Variants in RBM39 observed in about 807,000 individuals in gnomAD.
RBM39 encodes RNA-binding protein 39.
Under a neutral mutation model 79.6 loss-of-function variants are expected in RBM39, and 12 were observed. The ratio of observed to expected loss-of-function variants is 0.15; its 90% confidence interval spans 0.10 to 0.24. The LOEUF is 0.24. Ranked by LOEUF, RBM39 falls within the 10% of genes least tolerant of loss-of-function variation. RBM39 has a pLI of 1.00. For synonymous variants in RBM39, 185 were observed against 208.4 expected (o/e 0.89, Z 0.97); for missense variants, 243 against 653.4 (o/e 0.37, Z 6.85).
intron 4 of RBM39, among the ~76,000 whole-genome samples, chr20:35,731,071 TTAGCTTAGGGGATTA>T (rs1434352630): frequency 1.3e-5 from 2 of 152,178 alleles, no homozygotes; most frequent in African/African-American, 4.8e-5. Flanking sequence ...AAACAAATGC[TTAGCTTAGGGGATTA>T]AGTATCTTGC....
At chr20:35,741,218 G>A (rs1225678696) in intron 1 of RBM39, among the ~76,000 whole-genome samples, 1 of 151,096 alleles carries the variant, frequency 6.6e-6, no homozygotes, top group African/African-American at 2.4e-5. Flanking sequence ...ATTTTTGGTA[G>A]AGACGGGGTT....
intron 2 of RBM39, chr20:35,740,344 ATAAGACTG>A (rs2040389720): frequency 3.1e-6 from 1 of 326,654 alleles, no homozygotes; most frequent in African/African-American, 2.2e-5. Flanking sequence ...ATTTCTTCTT[ATAAGACTG>A]TTAGAAGATT....
chr20:35,712,035 CCA>C (rs1568997903), intron 12 of RBM39, among the ~76,000 whole-genome samples: 1 of 151,658 alleles, frequency 6.6e-6, no homozygotes, highest in East Asian at 1.9e-4. Flanking sequence ...AGAGGTTGAG[CCA>C]CAGAGTGAGA....
chr20:35,741,066 CTCTAGT>C (rs933573192), intron 1 of RBM39, among the ~76,000 whole-genome samples, 179 bp from the exon 2 acceptor site: 3 of 60,652 alleles, frequency 4.9e-5, no homozygotes, highest in Middle Eastern at 0.017. Flanking sequence ...CGGAGTTTCG[CTCTAGT>C]TGCCCAGGCT....
At chr20:35,725,657 C>CCT (rs2038564427) in intron 6 of RBM39, among the ~76,000 whole-genome samples, 1 of 122,216 alleles carries the variant, frequency 8.2e-6, no homozygotes. Context: ...AACCCATTTT[C>CCT]TTTTTTTTTT....
In RBM39 at chr20:35,738,955, T is replaced by C. The variant is rs1490755486; in HGVS notation, c.101+13A>G. On this transcript the variant is annotated intron_variant, in intron 3 of 16. Coordinates refer to ENST00000253363, the MANE Select transcript of RBM39 (RefSeq NM_184234.3). Reference sequence around the variant, plus strand: ...GCTCACCACCCTCCCCCAAGCCCCTTCTTAAAACTCACTTTTTGCTACGTT... The same window carrying C: ...GCTCACCACCCTCCCCCAAGCCCCTCCTTAAAACTCACTTTTTGCTACGTT... 3 of 1,607,778 alleles carry C rather than the reference T, an allele frequency of 1.9e-6. No individual in the cohort carries two copies. The highest frequency in any genetic ancestry group is 3.3e-5 in the Admixed American group (2 of 59,998).
intron 11 of RBM39, 62 bp downstream of exon 11, chr20:35,714,123 C>T: frequency 6.6e-7 from 1 of 1,516,290 alleles, no homozygotes. Flanking sequence ...GTTTACATGG[C>T]TACCTTTCTT....
chr20:35,734,986 T>G, intron 3 of RBM39: 1 of 1,610,898 alleles, frequency 6.2e-7, no homozygotes, highest in Non-Finnish European at 8.5e-7. Context: ...GCCTTTGGAC[T>G]TTTTGGTTAT....
chr20:35,718,142 A>G (rs1290412944), intron 9 of RBM39, among the ~76,000 whole-genome samples: 1 of 151,630 alleles, frequency 6.6e-6, no homozygotes, highest in Admixed American at 6.6e-5. Flanking sequence ...TACAGGCATG[A>G]GCCACTGCGC....
At chr20:35,722,938 G>GA (rs11479374) in intron 8 of RBM39, among the ~76,000 whole-genome samples, 5,580 of 97,548 alleles carry the variant, frequency 0.057, 172 homozygotes, top group South Asian at 0.21. Flanking sequence ...CGTCTCAAGA[G>GA]AAAAAAAAAA....
intron 3 of RBM39, chr20:35,734,888 T>C: frequency 1.9e-6 from 3 of 1,542,846 alleles, no homozygotes; most frequent in Non-Finnish European, 2.6e-6. Context: ...TCAAATCCTG[T>C]TACAACTTAA....
intron 1 of RBM39, chr20:35,741,706 G>A (rs1271284763): frequency 1.3e-5 from 2 of 152,256 alleles, no homozygotes; most frequent in Non-Finnish European, 2.9e-5. Flanking sequence ...GCCGGCCCAG[G>A]CCTCGAAGGA....
At position 35,724,702 on chromosome 20, in the gene RBM39, A is replaced by G. The variant is rs1447793293; in HGVS notation, c.555T>C (p.Ile185=). The G allele has an allele frequency of 6.2e-7, 1 of 1,614,126 alleles. No individual in the cohort carries two copies. Among genetic ancestry groups the G allele is most frequent in the African/African-American group, 1.3e-5 (1 of 75,056 alleles). ...TVGKVRDVRM[I]SDRNSRRSKG... is the part of the protein sequence containing the mutation. ...TGGAACGTCTTGAATTTCTGTCAGA[A>G]ATCATCCTCACATCTCGAACCTAGA... Residue 185 remains isoleucine (I), a synonymous_variant, in exon 8 of 17, where the codon ATT becomes ATC. Coordinates refer to ENST00000253363, the MANE Select transcript of RBM39 (RefSeq NM_184234.3).
rs770978577 is a variant in RBM39, at chr20:35,705,207, A to T, written c.1413+18T>A. The T allele has an allele frequency of 1.1e-5, 15 of 1,406,380 alleles. No homozygotes were observed. The South Asian group carries it at 1.5e-4, about 14-fold the overall frequency. The allele number at this position is 1,406,380 out of a possible 1,614,324, so 87.1% of individuals were successfully genotyped here. On this transcript the variant is annotated intron_variant, in intron 15 of 16. Coordinates refer to ENST00000253363, the MANE Select transcript of RBM39 (RefSeq NM_184234.3). ...AGACGAACAACCTAACATCATTTAT[A>T]AAAAAAGATGAAAATACCTGAGCTG... is the stretch of plus-strand genomic sequence containing the variant.
chr20:35,731,631 G>T lies in RBM39; in HGVS notation c.296+310C>A, dbSNP rs76605241. On this transcript the variant is annotated intron_variant, in intron 4 of 16. Transcript: ENST00000253363. The stretch of plus-strand genomic sequence containing the variant: ...TTGTTAAGCTTTCTTAGGTATTTGG[G>T]CACTACAATGTCATCTTTTTCAAGC... 1.7e-4 allele frequency: 54 copies of T among 320,736 alleles called. 1 individual carries two copies. In the East Asian group the frequency reaches 3.1e-3, roughly 18 times the overall value. 19.9% of individuals were successfully genotyped at this position (320,736 alleles called of 1,614,324 possible). A position where few individuals can be genotyped will look rare whatever the true frequency, so the allele number is the denominator to read the frequency against.
intron 3 of RBM39, among the ~76,000 whole-genome samples, chr20:35,738,191 C>A (rs1037630565): frequency 2.1e-4 from 32 of 151,956 alleles, no homozygotes; most frequent in African/African-American, 7.5e-4. Flanking sequence ...TCACTTGAAC[C>A]CAGGAGGCGG....
intron 3 of RBM39, chr20:35,734,118 C>A (rs1280402300): frequency 1.2e-6 from 1 of 861,562 alleles, no homozygotes; most frequent in East Asian, 6.6e-5. Flanking sequence ...CAACTGAGGT[C>A]TGCCTCAGAG....
chr20:35,727,683 CTT>C (rs962262611), intron 6 of RBM39, among the ~76,000 whole-genome samples: 3 of 148,144 alleles, frequency 2.0e-5, no homozygotes, highest in Admixed American at 6.7e-5. Flanking sequence ...GAGTTTCGCT[CTT>C]GTTGCCCAGG....
chr20:35,741,036 T>C (rs111384316), intron 1 of RBM39, 149 bp from the exon 2 acceptor site: 5 of 393,800 alleles, frequency 1.3e-5, no homozygotes, highest in African/African-American at 5.5e-5. Context: ...TTTTCTTTTT[T>C]TTTTTTTTTT....
Sources: gnomAD v4.1 joint callset for allele counts (sites outside exome capture counted in the v4.1 genomes callset) on GRCh38, gnomAD v4.1.1 for gene constraint, MANE v1.5 for transcripts, NCBI Gene and HGNC (gene_info 2026-07-23, HGNC 2026-07-21) for gene names.